The following DLC1 variants were observed in gnomAD, a reference collection of about 807,000 sequenced individuals.
The protein encoded by DLC1 is DLC1 Rho GTPase activating protein, also known as rho GTPase-activating protein 7.
In DLC1, 54 loss-of-function variants were observed where a neutral mutation model predicts 140.3. The observed-to-expected ratio is 0.38, with a 90% CI of 0.31 to 0.48. DLC1 has a LOEUF of 0.48. DLC1 is among the 20% of genes least tolerant of loss of function. DLC1 has a pLI of 0.96. For missense variants in DLC1, 2,536 were observed against 1,907.0 expected, an observed-to-expected ratio of 1.33 and a Z score of -6.14; for synonymous variants, 986 against 728.1, an observed-to-expected ratio of 1.35 and a Z score of -5.70.
chr8:13,451,069 GA>G (rs1260134155), intron 2 of DLC1, among the ~76,000 whole-genome samples: 5 of 68,004 alleles, frequency 7.4e-5, no homozygotes, highest in South Asian at 1.1e-3. Context: ...AAAAAAAAAA[GA>G]AAAAAAGAAA....
At chr8:13,589,339 A>G (rs922205047) in intron 1 of DLC1, among the ~76,000 whole-genome samples, 3 of 152,124 alleles carry the variant, frequency 2.0e-5, no homozygotes, top group Non-Finnish European at 4.4e-5. Flanking sequence ...GTTTGCAAAA[A>G]CTAAAGGAAC....
chr8:13,596,615 A>G (rs1805688418), intron 1 of DLC1, among the ~76,000 whole-genome samples: 1 of 152,006 alleles, frequency 6.6e-6, no homozygotes, highest in Admixed American at 6.6e-5. Flanking sequence ...CTTAGAAAGG[A>G]GGCAGAAAGG....
intron 7 of DLC1, among the ~76,000 whole-genome samples, chr8:13,107,626 T>G (rs919100713): frequency 6.6e-6 from 1 of 152,224 alleles, no homozygotes. Flanking sequence ...TTGCTGGCCC[T>G]TGAATTCCAT....
rs557197440 is a variant in DLC1 at position 13,479,950 on chromosome 8, C to T, written c.1023+19099G>A. Among the ~76,000 whole-genome samples, 4 of 101,532 alleles carry T rather than the reference C, an allele frequency of 3.9e-5. No individual in the cohort carries two copies. In the South Asian group the frequency reaches 1.3e-3, roughly 34 times the overall value. The allele number at this position is 101,532 out of a possible 152,430, so 66.6% of individuals were successfully genotyped here. On this transcript the variant is annotated intron_variant, in intron 2 of 17. Transcript: ENST00000276297. ...GTGTGGTGGCGTGTGTCTGTAGGCC[C>T]AGACACTTCAGAGGCTGACGCATGA...
chr8:13,115,477 T>A, intron 6 of DLC1, 109 bp downstream of exon 6: 1 of 1,021,632 alleles, frequency 9.8e-7, no homozygotes, highest in Non-Finnish European at 1.4e-6. Context: ...TTTTTAAAAA[T>A]AAAACATTTA....
rs771761480 is a variant in DLC1, at chr8:13,430,516, G to GA, written c.1024-28898dup. Reference sequence around the variant, plus strand: ...CTATTGCCCTCATTTTCATTCTTTTGAAAAAAATGATTTTTAGGTTATATT... The same window carrying GA: ...CTATTGCCCTCATTTTCATTCTTTTGAAAAAAAATGATTTTTAGGTTATATT... On this transcript the variant is annotated intron_variant, in intron 2 of 17. Transcript: ENST00000276297. Among the ~76,000 whole-genome samples the GA allele has an allele frequency of 2.5e-3, 383 of 151,950 alleles. 9 individuals are homozygous for GA. The highest frequency in any genetic ancestry group is 6.2e-3 in the East Asian group (32 of 5,178).
intron 5 of DLC1, among the ~76,000 whole-genome samples, chr8:13,173,995 C>T (rs149941737): frequency 1.6e-3 from 243 of 152,216 alleles, no homozygotes; most frequent in African/African-American, 5.6e-3. Context: ...TAGGTCATTT[C>T]TCAGCCCTTG....
At chr8:13,230,086 G>A (rs1403610364) in intron 5 of DLC1, among the ~76,000 whole-genome samples, 1 of 152,188 alleles carries the variant, frequency 6.6e-6, no homozygotes, top group Non-Finnish European at 1.5e-5. Flanking sequence ...TTCCTAATGA[G>A]CCTTTGCTAC....
At chr8:13,100,918 T>A in intron 8 of DLC1, 148 bp from the exon 9 acceptor site, 1 of 814,918 alleles carries the variant, frequency 1.2e-6, no homozygotes. Context: ...TTTTTTTTTT[T>A]TTTTTAAAAA....
intron 5 of DLC1, among the ~76,000 whole-genome samples, chr8:13,127,603 G>A (rs1293321481): frequency 2.6e-5 from 4 of 152,238 alleles, no homozygotes; most frequent in Non-Finnish European, 4.4e-5. Context: ...TTGAGTGTGA[G>A]GAGGGACACA....
At chr8:13,162,721 C>T (rs1005776499) in intron 5 of DLC1, among the ~76,000 whole-genome samples, 1 of 152,102 alleles carries the variant, frequency 6.6e-6, no homozygotes, top group African/African-American at 2.4e-5. Context: ...AGGAGGATCA[C>T]TTGAGGCCGG....
At chr8:13,305,439 T>G (rs1832381503) in intron 4 of DLC1, 137 bp from the exon 5 acceptor site, 3 of 834,238 alleles carry the variant, frequency 3.6e-6, no homozygotes, top group Admixed American at 2.9e-5. Context: ...ATTTTGGAAC[T>G]ATCAGTAAAA....
intron 4 of DLC1, among the ~76,000 whole-genome samples, chr8:13,373,210 C>G (rs960731217): frequency 2.6e-5 from 4 of 152,092 alleles, no homozygotes; most frequent in African/African-American, 9.7e-5. Context: ...AAACGGGTGA[C>G]TGAATTATGA....
chr8:13,227,981 T>A (rs1010013913), intron 5 of DLC1, among the ~76,000 whole-genome samples: 2 of 152,176 alleles, frequency 1.3e-5, no homozygotes, highest in African/African-American at 4.8e-5. Context: ...TTATCACCTG[T>A]CCCACTCTGC....
chr8:13,192,049 C>G (rs148670926), intron 5 of DLC1, among the ~76,000 whole-genome samples: 1 of 151,874 alleles, frequency 6.6e-6, no homozygotes, highest in East Asian at 1.9e-4. Context: ...TCCAGAGGTT[C>G]TCCTGCCTCA....
chr8:13,294,386 G>T (rs767826655), intron 5 of DLC1, among the ~76,000 whole-genome samples: 2 of 151,988 alleles, frequency 1.3e-5, no homozygotes, highest in Non-Finnish European at 2.9e-5. Flanking sequence ...GTCCATCAAT[G>T]ATCAAGTACA....
intron 2 of DLC1, among the ~76,000 whole-genome samples, chr8:13,450,483 G>C (rs1052767167): frequency 1.4e-5 from 2 of 140,476 alleles, no homozygotes; most frequent in Non-Finnish European, 3.1e-5. Context: ...AAAGGCCGAA[G>C]AGAAATTCTG....
intron 2 of DLC1, among the ~76,000 whole-genome samples, chr8:13,474,889 G>A (rs1015701632): frequency 1.3e-5 from 2 of 152,170 alleles, no homozygotes; most frequent in Non-Finnish European, 2.9e-5. Context: ...GATTTTACAG[G>A]CTCATAGGCA....
intron 2 of DLC1, among the ~76,000 whole-genome samples, chr8:13,460,362 TA>T (rs1261564666): frequency 6.6e-6 from 1 of 152,228 alleles, no homozygotes; most frequent in African/African-American, 2.4e-5. Flanking sequence ...ACTGTCTTAC[TA>T]AAAGACTTCT....
Sources: gnomAD v4.1 joint callset for allele counts (sites outside exome capture counted in the v4.1 genomes callset) on GRCh38, gnomAD v4.1.1 for gene constraint, MANE v1.5 for transcripts, NCBI Gene and HGNC (gene_info 2026-07-23, HGNC 2026-07-21) for gene names.